The following CHMP4B variants were observed in gnomAD, a reference collection of about 807,000 sequenced individuals.
The protein encoded by CHMP4B is SNF7 homolog associated with Alix 1.
A neutral mutation model predicts 25.1 loss-of-function variants in CHMP4B; 1 was observed. That is an observed-to-expected ratio of 0.04 (90% CI 0.01 to 0.19). The LOEUF (loss-of-function observed/expected upper bound fraction) is 0.19. Among genes scored for constraint, CHMP4B ranks in the 10% least tolerant of loss-of-function variants. CHMP4B has a pLI of 1.00. For synonymous variants in CHMP4B, 101 were observed against 115.6 expected, an observed-to-expected ratio of 0.87 and a Z score of 0.81; for missense variants, 151 against 289.7, an observed-to-expected ratio of 0.52 and a Z score of 3.48.
chr20:33,822,564 T>G (rs1031717561), intron 1 of CHMP4B, among the ~76,000 whole-genome samples: 22 of 152,166 alleles, frequency 1.4e-4, no homozygotes, highest in African/African-American at 4.8e-4. Flanking sequence ...AGTCTGGAGG[T>G]AGGACTTTGG....
chr20:33,814,398 A>G (rs993244614), intron 1 of CHMP4B, among the ~76,000 whole-genome samples: 5 of 152,162 alleles, frequency 3.3e-5, no homozygotes, highest in African/African-American at 1.2e-4. Flanking sequence ...TGATTATAAC[A>G]GTGCAGAAAC....
intron 1 of CHMP4B, among the ~76,000 whole-genome samples, chr20:33,841,995 C>T (rs1256958828): frequency 1.3e-5 from 2 of 152,190 alleles, no homozygotes; most frequent in Non-Finnish European, 2.9e-5. Flanking sequence ...CTCTGTCTCA[C>T]TGTGCACTGC....
chr20:33,830,933 G>GTTTTTTTTTTTT (rs55917511), intron 1 of CHMP4B, among the ~76,000 whole-genome samples: 2,140 of 101,968 alleles, frequency 0.021, 237 homozygotes, highest in African/African-American at 0.075. Context: ...AAGGAACAGA[G>GTTTTTTTTTTTT]TTTTTTTTTT....
chr20:33,844,720 G>A (rs1330743085), intron 1 of CHMP4B, among the ~76,000 whole-genome samples: 3 of 151,942 alleles, frequency 2.0e-5, no homozygotes, highest in Non-Finnish European at 4.4e-5. Context: ...CTACACTCGG[G>A]ATGCTGAAAA....
chr20:33,852,563 T>A (rs1979885571), intron 4 of CHMP4B, among the ~76,000 whole-genome samples: 1 of 152,052 alleles, frequency 6.6e-6, no homozygotes, highest in African/African-American at 2.4e-5. Flanking sequence ...CCGCCATGAG[T>A]TATGTCAACC....
intron 1 of CHMP4B, among the ~76,000 whole-genome samples, chr20:33,824,807 A>G (rs371086702): frequency 6.9e-6 from 1 of 145,020 alleles, no homozygotes; most frequent in Non-Finnish European, 1.5e-5. Flanking sequence ...GACAACAAAA[A>G]TGTCTCCAGA....
chr20:33,842,466 C>T (rs1979571035), intron 1 of CHMP4B, among the ~76,000 whole-genome samples: 2 of 152,202 alleles, frequency 1.3e-5, no homozygotes, highest in African/African-American at 4.8e-5. Context: ...TGAGTTTATT[C>T]ACTGGCAGAA....
At chr20:33,817,697 GTCT>G (rs1419239884) in intron 1 of CHMP4B, among the ~76,000 whole-genome samples, 1 of 152,216 alleles carries the variant, frequency 6.6e-6, no homozygotes, top group Non-Finnish European at 1.5e-5. Flanking sequence ...TGAAAACTTA[GTCT>G]TCTTGCTCAG....
chr20:33,834,157 A>C (rs1979329922), intron 1 of CHMP4B, among the ~76,000 whole-genome samples: 1 of 152,186 alleles, frequency 6.6e-6, no homozygotes, highest in Non-Finnish European at 1.5e-5. Context: ...CAGTCTGGCT[A>C]GAAGTTCAAT....
chr20:33,831,404 A>G (rs544583138), intron 1 of CHMP4B, among the ~76,000 whole-genome samples: 1 of 151,138 alleles, frequency 6.6e-6, no homozygotes, highest in Non-Finnish European at 1.5e-5. Context: ...AAGTTTTAAA[A>G]GTTTCTGTGA....
At chr20:33,831,926 C>T (rs1979263369) in intron 1 of CHMP4B, among the ~76,000 whole-genome samples, 1 of 152,106 alleles carries the variant, frequency 6.6e-6, no homozygotes, top group Non-Finnish European at 1.5e-5. Context: ...CTACCTTTTC[C>T]CGAAAGAGAA....
At chr20:33,818,335 A>C (rs1044498019) in intron 1 of CHMP4B, among the ~76,000 whole-genome samples, 5 of 152,250 alleles carry the variant, frequency 3.3e-5, no homozygotes, top group Admixed American at 3.3e-4. Flanking sequence ...CAGCAGGAAG[A>C]GTTTAATTCA....
intron 2 of CHMP4B, among the ~76,000 whole-genome samples, chr20:33,848,875 A>G (rs369583727): frequency 3.3e-5 from 5 of 152,244 alleles, no homozygotes; most frequent in African/African-American, 9.6e-5. Flanking sequence ...TGTGATGAGC[A>G]TAGTTTCAAG....
chr20:33,851,145 TCAGG>T, intron 3 of CHMP4B, 79 bp downstream of exon 3: 3 of 917,308 alleles, frequency 3.3e-6, no homozygotes, highest in Non-Finnish European at 5.5e-6. Context: ...TTGAAGGCTC[TCAGG>T]CAGGGAGCAT....
rs1226618519 is a variant in CHMP4B, at chr20:33,848,383, G to A, written c.191-84G>A. 2.9e-6 allele frequency: 4 copies of A among 1,381,288 alleles called. No individual in the cohort carries two copies. The East Asian group carries it at 7.1e-5, about 25-fold the overall frequency. 85.6% of individuals were successfully genotyped at this position (1,381,288 alleles called of 1,614,324 possible). A position where few individuals can be genotyped will look rare whatever the true frequency, so the allele number is the denominator to read the frequency against. Reference sequence around the variant, plus strand: ...GGAAGCAACAACAGAGGTGCTTCCAGTAGAGTTGGGGAAAAGACTCAGTGA... The same window carrying A: ...GGAAGCAACAACAGAGGTGCTTCCAATAGAGTTGGGGAAAAGACTCAGTGA... On this transcript the variant is annotated intron_variant, in intron 1 of 4. Coordinates refer to ENST00000217402, the MANE Select transcript of CHMP4B (RefSeq NM_176812.5).
chr20:33,836,302 C>T (rs890139232), intron 1 of CHMP4B, among the ~76,000 whole-genome samples: 3 of 151,610 alleles, frequency 2.0e-5, no homozygotes, highest in African/African-American at 7.3e-5. Flanking sequence ...GTCCTATATT[C>T]TTTATGTTTT....
At chr20:33,830,285 T>C (rs891061047) in intron 1 of CHMP4B, among the ~76,000 whole-genome samples, 4 of 152,144 alleles carry the variant, frequency 2.6e-5, no homozygotes, top group Non-Finnish European at 5.9e-5. Flanking sequence ...GGGAGGGACC[T>C]GAAAGCCCTA....
chr20:33,832,412 GCCTT>G (rs765838504), intron 1 of CHMP4B, among the ~76,000 whole-genome samples: 18 of 152,216 alleles, frequency 1.2e-4, no homozygotes, highest in Middle Eastern at 3.4e-3. Flanking sequence ...CTCAATCAGT[GCCTT>G]CATTCCACCC....
rs575119991 is a variant in CHMP4B, at chr20:33,836,128, A to G, written c.191-12339A>G. ...ATAGACTATAGTTATAACTGTTTTC[A>G]TCTCTTTGCTAATTTTGACATCTGT... On this transcript the variant is annotated intron_variant, in intron 1 of 4. Coordinates refer to ENST00000217402, the MANE Select transcript of CHMP4B (RefSeq NM_176812.5). 5.3e-5 allele frequency among the ~76,000 whole-genome samples: 8 copies of G among 152,218 alleles called. 1 individual carries two copies. Among genetic ancestry groups the G allele is most frequent in the African/African-American group, 1.9e-4 (8 of 41,534 alleles).
Sources: allele counts gnomAD v4.1 joint callset (sites outside exome capture counted in the v4.1 genomes callset), GRCh38; gene constraint gnomAD v4.1.1; transcripts MANE v1.5; gene names NCBI Gene and HGNC (gene_info 2026-07-23, HGNC 2026-07-21).